The following RBM47 variants were observed in gnomAD, a reference collection of about 807,000 sequenced individuals.
RBM47 encodes RNA binding motif protein 47.
In RBM47, 21 loss-of-function variants were observed where a neutral mutation model predicts 47.1. The observed-to-expected ratio is 0.45, with a 90% CI of 0.32 to 0.64. RBM47 has a LOEUF of 0.64. Among genes scored for constraint, RBM47 ranks in the 30% least tolerant of loss-of-function variants. RBM47 has a pLI of 0.05. For missense variants in RBM47, 708 were observed against 870.9 expected (o/e 0.81, Z 2.35); for synonymous variants, 375 against 361.7 (o/e 1.04, Z -0.42).
At chr4:40,451,753 T>G (rs1042446778) in intron 3 of RBM47, among the ~76,000 whole-genome samples, 3 of 152,216 alleles carry the variant, frequency 2.0e-5, no homozygotes, top group Non-Finnish European at 2.9e-5. Context: ...ATTGATTCAT[T>G]CCCTCGCTCA....
chr4:40,427,462 A>G (rs775891468), intron 6 of RBM47: 1 of 152,274 alleles, frequency 6.6e-6, no homozygotes, highest in Non-Finnish European at 1.5e-5. Context: ...CAGAACAAAC[A>G]GGAGTATGAA....
Position 40,425,958 on chromosome 4 carries a change from G to T in RBM47, c.1728C>A (p.Ala576=). 9.3e-6 allele frequency: 15 copies of T among 1,614,222 alleles called. No homozygotes were observed. Among genetic ancestry groups the T allele is most frequent in the Non-Finnish European group, 1.2e-5 (14 of 1,180,038 alleles). The part of the protein sequence containing the change: ...YGGYAGYIPQ[A]FPAAAIQVPI... Reference sequence around the variant, plus strand: ...GGACCTGAATGGCAGCAGCAGGGAAGGCCTGAGGTATGTAGCCTGCGTATC... The same window carrying T: ...GGACCTGAATGGCAGCAGCAGGGAATGCCTGAGGTATGTAGCCTGCGTATC... Residue 576 remains alanine, a synonymous_variant, in exon 7 of 7, where the codon GCC becomes GCA. Coordinates refer to ENST00000295971, the MANE Select transcript of RBM47 (RefSeq NM_001098634.2).
chr4:40,611,268 GTATTT>G (rs969872034), intron 1 of RBM47, among the ~76,000 whole-genome samples: 13 of 152,144 alleles, frequency 8.5e-5, no homozygotes, highest in African/African-American at 2.7e-4. Context: ...GCACAAAAGA[GTATTT>G]TATTTTATTT....
intron 1 of RBM47, among the ~76,000 whole-genome samples, chr4:40,581,439 A>AATAAATAG: frequency 7.2e-6 from 1 of 138,280 alleles, no homozygotes; most frequent in East Asian, 2.0e-4. Flanking sequence ...AGTAATAATA[A>AATAAATAG]ATAAATAAAT....
intron 3 of RBM47, among the ~76,000 whole-genome samples, chr4:40,460,888 C>A (rs1401196784): frequency 0.023 from 2,102 of 92,544 alleles, no homozygotes; most frequent in African/African-American, 0.03. Flanking sequence ...GACTCTGTCT[C>A]AAAAAAAAAA....
intron 1 of RBM47, among the ~76,000 whole-genome samples, chr4:40,614,605 G>A (rs188273679): frequency 1.3e-4 from 19 of 151,882 alleles, no homozygotes; most frequent in Admixed American, 3.9e-4. Flanking sequence ...AGGCCAAAGG[G>A]GTAGGAACGC....
chr4:40,435,070 G>A lies in RBM47; in HGVS notation c.1330+1371C>T, dbSNP rs187551516. ...TTTTGCAGGTTCGGATCAGAAGACC[G>A]GCCTCACATTAGATGGTCATGGGCA... On this transcript the variant is annotated intron_variant, in intron 5 of 6. Transcript: ENST00000295971. 5.9e-5 allele frequency among the ~76,000 whole-genome samples: 9 copies of A among 152,228 alleles called. No homozygotes were observed. The East Asian group carries it at 9.7e-4, about 16-fold the overall frequency.
chr4:40,555,021 C>G (rs904533723), intron 1 of RBM47, among the ~76,000 whole-genome samples: 3 of 152,156 alleles, frequency 2.0e-5, no homozygotes, highest in African/African-American at 7.2e-5. Context: ...CTGCAACCTC[C>G]GCCTCCCAGG....
chr4:40,592,491 C>T (rs1734248195), intron 1 of RBM47, among the ~76,000 whole-genome samples: 1 of 149,426 alleles, frequency 6.7e-6, no homozygotes, highest in Non-Finnish European at 1.5e-5. Context: ...ATGGCATGAT[C>T]TCAGCTCACC....
intron 5 of RBM47, among the ~76,000 whole-genome samples, chr4:40,435,847 G>A (rs776947961): frequency 2.0e-5 from 3 of 151,572 alleles, no homozygotes; most frequent in Non-Finnish European, 4.4e-5. Flanking sequence ...CCTAACAATG[G>A]GTGACAGCCC....
At chr4:40,441,804 T>G (rs1560366568) in intron 3 of RBM47, among the ~76,000 whole-genome samples, 1 of 152,236 alleles carries the variant, frequency 6.6e-6, no homozygotes, top group East Asian at 1.9e-4. Context: ...TTGCTTTCAG[T>G]CTGAAATCTG....
chr4:40,425,772 T>G lies in RBM47; in HGVS notation c.*132A>C. On this transcript the variant is annotated 3_prime_UTR_variant, in exon 7 of 7. Transcript: ENST00000295971. ...TGAAAACTTCATGTATATAAAATAA[T>G]TCAGAAATAAATCTGCTAACATTCT... The G allele has an allele frequency of 7.5e-7, 1 of 1,330,976 alleles. No homozygotes were observed. Among genetic ancestry groups the G allele is most frequent in the Non-Finnish European group, 1.0e-6 (1 of 977,148 alleles). The allele number at this position is 1,330,976 out of a possible 1,614,324, so 82.4% of individuals were successfully genotyped here.
At chr4:40,558,164 G>T (rs948134489) in intron 1 of RBM47, among the ~76,000 whole-genome samples, 1 of 152,152 alleles carries the variant, frequency 6.6e-6, no homozygotes, top group African/African-American at 2.4e-5. Context: ...GAAGCTCAGA[G>T]AAATAAGTGA....
chr4:40,623,156 C>T (rs1172488516), intron 1 of RBM47, among the ~76,000 whole-genome samples: 4 of 152,060 alleles, frequency 2.6e-5, no homozygotes, highest in Non-Finnish European at 4.4e-5. Context: ...TGGGCTTGTC[C>T]GTATCATATG....
At chr4:40,558,594 G>A (rs1400491877) in intron 1 of RBM47, among the ~76,000 whole-genome samples, 1 of 151,538 alleles carries the variant, frequency 6.6e-6, no homozygotes, top group Admixed American at 6.6e-5. Context: ...TTGGGAGGCT[G>A]AGGTTGGCAA....
chr4:40,618,982 CA>C (rs1234024349), intron 1 of RBM47, among the ~76,000 whole-genome samples: 1 of 152,048 alleles, frequency 6.6e-6, no homozygotes, highest in Non-Finnish European at 1.5e-5. Flanking sequence ...CAGAACCCCC[CA>C]TCCTCAGTCC....
At chr4:40,504,878 T>C (rs751247003) in intron 2 of RBM47, among the ~76,000 whole-genome samples, 16 of 152,256 alleles carry the variant, frequency 1.1e-4, no homozygotes, top group Admixed American at 2.0e-4. Flanking sequence ...TATCTGCCAA[T>C]GGCAGATTCT....
At position 40,432,690 on chromosome 4, in the gene RBM47, G is replaced by A. The variant is rs774944998; in HGVS notation, c.1503C>T (p.Ala501=). ...GCGTCGACACAGTGGGAATGACAGC[G>A]GCTGCGGCGGCTGCGGCCGCGGCTG... ...AAAAAAAAAA[A]AVIPTVSTPP... is the part of the protein sequence containing the mutation. Residue 501 remains alanine (A), a synonymous_variant, in exon 6 of 7, where the codon GCC becomes GCT. Coordinates refer to ENST00000295971, the MANE Select transcript of RBM47 (RefSeq NM_001098634.2). 2.3e-5 allele frequency: 36 copies of A among 1,598,696 alleles called. No individual in the cohort carries two copies. The highest frequency in any genetic ancestry group is 4.5e-5 in the South Asian group (4 of 89,754).
intron 1 of RBM47, among the ~76,000 whole-genome samples, chr4:40,606,028 T>C (rs1735726772): frequency 6.7e-6 from 1 of 148,318 alleles, no homozygotes; most frequent in Non-Finnish European, 1.5e-5. Flanking sequence ...TGAAAGCCTT[T>C]CTCTACTTAA....
Sources: gnomAD v4.1 joint callset for allele counts (sites outside exome capture counted in the v4.1 genomes callset) on GRCh38, gnomAD v4.1.1 for gene constraint, MANE v1.5 for transcripts, NCBI Gene and HGNC (gene_info 2026-07-23, HGNC 2026-07-21) for gene names.